SPOCK3: variants seen among roughly 807,000 people sequenced by gnomAD.
SPOCK3 encodes SPARC (osteonectin), cwcv and kazal like domains proteoglycan 3.
SPOCK3 carries 30 observed loss-of-function variants against 56.6 expected under a neutral mutation model. The ratio of observed to expected loss-of-function variants is 0.53; its 90% confidence interval spans 0.40 to 0.72. SPOCK3 has a LOEUF of 0.72. SPOCK3 is among the 30% of genes least tolerant of loss of function. SPOCK3 has a pLI of 0.00. For synonymous variants in SPOCK3, 196 were observed against 183.3 expected (o/e 1.07, Z -0.56); for missense variants, 527 against 530.0 (o/e 0.99, Z 0.06).
At position 166,792,297 on chromosome 4, in the gene SPOCK3, C is replaced by G; in HGVS notation, c.590-8G>C. ...ACTCCAGGTCACTGCATGCTAAAAA[C>G]AGAGAAACAACACAAGTCTTGAATA... On this transcript the variant is annotated splice_polypyrimidine_tract_variant and splice_region_variant and intron_variant, in intron 6 of 10. Coordinates refer to ENST00000357545, the MANE Select transcript of SPOCK3 (RefSeq NM_001040159.2). The G allele has an allele frequency of 6.2e-7, 1 of 1,613,562 alleles. No homozygotes were observed. Among genetic ancestry groups the G allele is most frequent in the African/African-American group, 1.3e-5 (1 of 75,026 alleles).
chr4:166,809,322 A>T (rs1245299409), intron 6 of SPOCK3, among the ~76,000 whole-genome samples: 2 of 152,018 alleles, frequency 1.3e-5, no homozygotes, highest in Admixed American at 1.3e-4. Context: ...CTCTTGTTAA[A>T]CAGATTATAT....
In SPOCK3 at chr4:166,945,845, T is replaced by A. The variant is rs74801480; in HGVS notation, c.351-33102A>T. On this transcript the variant is annotated intron_variant, in intron 4 of 10. Coordinates refer to ENST00000357545, the MANE Select transcript of SPOCK3 (RefSeq NM_001040159.2). The stretch of plus-strand genomic sequence containing the variant: ...TTTCCCTCCTTACCCTACATGGGAA[T>A]TGATACTTCGTTCCGAGCCTTCACA... Among the ~76,000 whole-genome samples, 1,193 of 152,272 alleles carry A rather than the reference T, an allele frequency of 7.8e-3. 7 individuals are homozygous for A. The highest frequency in any genetic ancestry group is 0.011 in the Non-Finnish European group (779 of 68,014).
intron 2 of SPOCK3, among the ~76,000 whole-genome samples, chr4:167,170,327 C>G (rs1730390136): frequency 6.6e-6 from 1 of 152,104 alleles, no homozygotes; most frequent in Non-Finnish European, 1.5e-5. Context: ...TACCTTTAAG[C>G]AACTCAACTT....
At chr4:167,171,800 A>T (rs1730520861) in intron 2 of SPOCK3, among the ~76,000 whole-genome samples, 1 of 152,078 alleles carries the variant, frequency 6.6e-6, no homozygotes, top group South Asian at 2.1e-4. Context: ...CACTATCATG[A>T]TTTCATCTAT....
At chr4:166,869,440 G>A (rs1049872417) in intron 6 of SPOCK3, among the ~76,000 whole-genome samples, 3 of 152,024 alleles carry the variant, frequency 2.0e-5, no homozygotes, top group Admixed American at 6.6e-5. Flanking sequence ...CAGAAAATCT[G>A]GGTGAGAAGA....
intron 2 of SPOCK3, among the ~76,000 whole-genome samples, chr4:167,185,706 A>T (rs185950246): frequency 9.9e-5 from 15 of 152,208 alleles, no homozygotes; most frequent in Non-Finnish European, 1.8e-4. Flanking sequence ...ATATTTTAGC[A>T]TAAACAAATA....
chr4:166,820,247 T>C (rs1436083720), intron 6 of SPOCK3, among the ~76,000 whole-genome samples: 2 of 152,098 alleles, frequency 1.3e-5, no homozygotes, highest in African/African-American at 4.8e-5. Context: ...ACAATGTATA[T>C]GTTAGTATGT....
intron 8 of SPOCK3, among the ~76,000 whole-genome samples, chr4:166,743,191 G>A (rs1403311853): frequency 6.6e-6 from 1 of 151,958 alleles, no homozygotes; most frequent in African/African-American, 2.4e-5. Context: ...TGCTGTTAAT[G>A]CTTGCTATAT....
chr4:166,827,470 A>G (rs1294424872), intron 6 of SPOCK3, among the ~76,000 whole-genome samples: 1 of 152,100 alleles, frequency 6.6e-6, no homozygotes, highest in Non-Finnish European at 1.5e-5. Context: ...AATAACATTT[A>G]TTCAACACTT....
intron 2 of SPOCK3, among the ~76,000 whole-genome samples, chr4:167,169,783 G>A (rs1394210830): frequency 3.3e-5 from 5 of 152,084 alleles, no homozygotes; most frequent in African/African-American, 4.8e-5. Flanking sequence ...ACCTTGAATT[G>A]TAATAATCCC....
At chr4:167,205,329 A>G (rs1734026237) in intron 2 of SPOCK3, among the ~76,000 whole-genome samples, 1 of 47,156 alleles carries the variant, frequency 2.1e-5, no homozygotes, top group Non-Finnish European at 3.5e-5. Context: ...TATATATAAT[A>G]TATATTATAT....
At chr4:166,878,721 GA>G (rs1424514137) in intron 6 of SPOCK3, among the ~76,000 whole-genome samples, 1 of 152,062 alleles carries the variant, frequency 6.6e-6, no homozygotes, top group Admixed American at 6.6e-5. Context: ...GACCATAACA[GA>G]AAGAGAGACT....
At chr4:166,784,607 T>C (rs574390444) in intron 7 of SPOCK3, among the ~76,000 whole-genome samples, 23 of 152,192 alleles carry the variant, frequency 1.5e-4, no homozygotes, top group Admixed American at 1.2e-3. Context: ...AAAGATGAAG[T>C]CTCCTGCTAT....
At chr4:166,978,569 T>C (rs1424340111) in intron 4 of SPOCK3, among the ~76,000 whole-genome samples, 5 of 152,220 alleles carry the variant, frequency 3.3e-5, no homozygotes, top group African/African-American at 1.2e-4. Context: ...ATTTATTGTA[T>C]ACCCACCATG....
Position 166,847,663 on chromosome 4 carries a change from A to ATATATATATATATATATATATATC in SPOCK3, c.589+41466_589+41467insGATATATATATATATATATATATA, listed in dbSNP as rs1560926671. 4.0e-4 allele frequency among the ~76,000 whole-genome samples: 39 copies of ATATATATATATATATATATATATC among 98,334 alleles called. No individual in the cohort carries two copies. The East Asian group carries it at 0.015, about 39-fold the overall frequency. 64.5% of individuals were successfully genotyped at this position (98,334 alleles called of 152,430 possible). A position where few individuals can be genotyped will look rare whatever the true frequency, so the allele number is the denominator to read the frequency against. ...AATCCTAGTTTATATATATATATAT[A>ATATATATATATATATATATATATC]TATATATATATATATATAAGAATCA... is the stretch of plus-strand genomic sequence containing the variant. On this transcript the variant is annotated intron_variant, in intron 6 of 10. Coordinates refer to ENST00000357545, the MANE Select transcript of SPOCK3 (RefSeq NM_001040159.2).
chr4:167,043,760 C>A (rs967248379), intron 3 of SPOCK3, among the ~76,000 whole-genome samples: 2 of 151,766 alleles, frequency 1.3e-5, no homozygotes, highest in East Asian at 1.9e-4. Flanking sequence ...TTATATTGAG[C>A]CAGCCTTGCA....
At chr4:167,091,860 AT>A (rs778457416) in intron 2 of SPOCK3, among the ~76,000 whole-genome samples, 2 of 152,194 alleles carry the variant, frequency 1.3e-5, no homozygotes, top group Non-Finnish European at 2.9e-5. Flanking sequence ...AAATGAAATT[AT>A]GTAAGTTTTT....
intron 3 of SPOCK3, among the ~76,000 whole-genome samples, chr4:167,007,007 T>G (rs1328956731): frequency 1.3e-5 from 2 of 152,166 alleles, no homozygotes; most frequent in African/African-American, 4.8e-5. Context: ...AAGGGAAGTT[T>G]TTGTTGTTGT....
chr4:167,205,076 C>T (rs562167720), intron 2 of SPOCK3, among the ~76,000 whole-genome samples: 8 of 133,890 alleles, frequency 6.0e-5, no homozygotes, highest in African/African-American at 2.0e-4. Flanking sequence ...TTCCCACCAC[C>T]GTGCCCCAAT....
Sources: allele counts gnomAD v4.1 joint callset (sites outside exome capture counted in the v4.1 genomes callset), GRCh38; gene constraint gnomAD v4.1.1; transcripts MANE v1.5; gene names NCBI Gene and HGNC (gene_info 2026-07-23, HGNC 2026-07-21).